The following ZNF438 variants were observed in gnomAD, a reference collection of about 807,000 sequenced individuals.
The protein encoded by ZNF438 is zinc finger protein 438.
In ZNF438, 25 loss-of-function variants were observed where a neutral mutation model predicts 38.0. That is an observed-to-expected ratio of 0.66 (90% confidence interval 0.48 to 0.92). The LOEUF (loss-of-function observed/expected upper bound fraction) is 0.92, where lower values mean the gene tolerates loss of function less well. ZNF438 is among the 40% of genes least tolerant of loss of function. The pLI is 0.00. For missense variants in ZNF438, 1,007 were observed against 999.6 expected (o/e 1.01, Z -0.10); for synonymous variants, 372 against 364.1 (o/e 1.02, Z -0.25).
intron 3 of ZNF438, among the ~76,000 whole-genome samples, chr10:30,886,562 A>C (rs953930369): frequency 1.3e-5 from 2 of 152,224 alleles, no homozygotes; most frequent in African/African-American, 4.8e-5. Flanking sequence ...ACATGCTCAG[A>C]ATACTTAAAT....
At chr10:30,953,669 C>A (rs1376485919) in intron 1 of ZNF438, among the ~76,000 whole-genome samples, 53 of 144,096 alleles carry the variant, frequency 3.7e-4, no homozygotes, top group Admixed American at 1.9e-3. Flanking sequence ...CACACACACA[C>A]AAAAAAAAAA....
At chr10:31,020,366 A>G (rs1319692577) in intron 1 of ZNF438, among the ~76,000 whole-genome samples, 2 of 152,198 alleles carry the variant, frequency 1.3e-5, no homozygotes, top group African/African-American at 4.8e-5. Flanking sequence ...GAAAAAAAGG[A>G]CGAATCAGGA....
intron 4 of ZNF438, among the ~76,000 whole-genome samples, chr10:30,867,394 T>C (rs944828431): frequency 3.3e-5 from 5 of 152,206 alleles, no homozygotes; most frequent in South Asian, 2.1e-4. Context: ...TTTTATAGTA[T>C]AGTCAATTTC....
exon 5 of ZNF438, chr10:30,850,027 G>A (rs781409550): frequency 1.2e-6 from 2 of 1,614,116 alleles, no homozygotes; most frequent in Admixed American, 1.7e-5. Flanking sequence ...TATTTCTAGG[G>A]GGTTGATATC....
At chr10:30,987,035 G>T (rs1165523977) in intron 1 of ZNF438, among the ~76,000 whole-genome samples, 1 of 152,078 alleles carries the variant, frequency 6.6e-6, no homozygotes, top group African/African-American at 2.4e-5. Context: ...TCACAGCTGT[G>T]CCCAAAACTG....
At chr10:31,025,363 C>A (rs535264603) in intron 1 of ZNF438, among the ~76,000 whole-genome samples, 1 of 152,198 alleles carries the variant, frequency 6.6e-6, no homozygotes, top group South Asian at 2.1e-4. Flanking sequence ...GAGTAATGTC[C>A]CCACACACAA....
At chr10:30,883,459 T>C (rs1477285036) in intron 3 of ZNF438, among the ~76,000 whole-genome samples, 1 of 152,158 alleles carries the variant, frequency 6.6e-6, no homozygotes, top group East Asian at 1.9e-4. Flanking sequence ...CTATTTAAAA[T>C]ACACAAAAAA....
At chr10:30,890,078 A>T (rs1300461345) in intron 3 of ZNF438, among the ~76,000 whole-genome samples, 1 of 136,788 alleles carries the variant, frequency 7.3e-6, no homozygotes, top group Non-Finnish European at 1.6e-5. Context: ...TATCTTTGGC[A>T]TTTCCAAAAA....
chr10:30,954,227 T>C (rs1272030162), intron 1 of ZNF438, among the ~76,000 whole-genome samples: 4 of 152,224 alleles, frequency 2.6e-5, no homozygotes, highest in Non-Finnish European at 4.4e-5. Flanking sequence ...TGGTCTCCTT[T>C]AGCTATCTAT....
In ZNF438 at chr10:31,010,892, G is replaced by GAAAAAAAAA. The variant is rs563189482; in HGVS notation, c.-192+20932_-192+20940dup. On this transcript the variant is annotated intron_variant, in intron 1 of 5. Transcript: ENST00000413025. ...TGGATAACGAAGTGAGACCCTGTTT[G>GAAAAAAAAA]AAAAAAAAAAAAAAAAAAAAAAAAA... 4.4e-3 allele frequency among the ~76,000 whole-genome samples: 407 copies of GAAAAAAAAA among 92,562 alleles called. 43 individuals carry two copies. The highest frequency in any genetic ancestry group is 0.018 in the African/African-American group (340 of 18,688). 60.7% of individuals were successfully genotyped at this position (92,562 alleles called of 152,430 possible). A position where few individuals can be genotyped will look rare whatever the true frequency, so the allele number is the denominator to read the frequency against.
chr10:30,993,623 C>T (rs1237230337), intron 1 of ZNF438, among the ~76,000 whole-genome samples: 2 of 152,202 alleles, frequency 1.3e-5, no homozygotes, highest in African/African-American at 4.8e-5. Flanking sequence ...TGCTGAGAGC[C>T]CCTCGTAGGG....
intron 2 of ZNF438, among the ~76,000 whole-genome samples, chr10:30,916,855 C>T (rs1218950902): frequency 6.6e-6 from 1 of 151,980 alleles, no homozygotes; most frequent in Non-Finnish European, 1.5e-5. Flanking sequence ...TTAGTTAATG[C>T]AAATGTATTA....
intron 2 of ZNF438, among the ~76,000 whole-genome samples, chr10:30,933,378 G>C (rs1333908164): frequency 6.6e-6 from 1 of 152,202 alleles, no homozygotes; most frequent in Non-Finnish European, 1.5e-5. Context: ...TGGAAATATG[G>C]ATTTGTGCAT....
intron 4 of ZNF438, among the ~76,000 whole-genome samples, chr10:30,869,445 T>C (rs2037029596): frequency 6.6e-6 from 1 of 152,030 alleles, no homozygotes; most frequent in African/African-American, 2.4e-5. Context: ...ACAACAAAAA[T>C]ACTCATAATC....
chr10:30,992,416 C>CTTTT (rs60965540), intron 1 of ZNF438, among the ~76,000 whole-genome samples: 5 of 141,692 alleles, frequency 3.5e-5, no homozygotes, highest in African/African-American at 5.2e-5. Context: ...TCTGAATCTT[C>CTTTT]TTTTTTTTTT....
At chr10:30,934,680 T>C (rs1340545757) in intron 2 of ZNF438, among the ~76,000 whole-genome samples, 1 of 152,206 alleles carries the variant, frequency 6.6e-6, no homozygotes, top group Non-Finnish European at 1.5e-5. Flanking sequence ...GTAAGAAAAA[T>C]TGTTCTGAGA....
At chr10:30,912,226 C>T (rs1413942352) in intron 2 of ZNF438, among the ~76,000 whole-genome samples, 1 of 152,112 alleles carries the variant, frequency 6.6e-6, no homozygotes, top group Non-Finnish European at 1.5e-5. Flanking sequence ...CTCATATGTG[C>T]TTGAGCCCCA....
At chr10:30,950,866 G>C (rs1367469355) in intron 1 of ZNF438, among the ~76,000 whole-genome samples, 2 of 120,022 alleles carry the variant, frequency 1.7e-5, no homozygotes, top group Admixed American at 8.4e-5. Flanking sequence ...CCAATCAATA[G>C]AAAAAGAGGG....
In ZNF438 at chr10:30,893,803, A is replaced by G. The variant is rs560776882; in HGVS notation, c.-32+15130T>C. On this transcript the variant is annotated intron_variant, in intron 3 of 5. Coordinates refer to ENST00000413025, the Ensembl canonical transcript of ZNF438. ...AAACTATAAACAGGCTATAAAGGTC[A>G]TGACATTAATTTTGCTGTCATTATC... Among the ~76,000 whole-genome samples, 12 of 152,358 alleles carry G rather than the reference A, an allele frequency of 7.9e-5. No homozygotes were observed. The South Asian group carries it at 2.5e-3, about 32-fold the overall frequency.
Sources: allele counts gnomAD v4.1 joint callset (sites outside exome capture counted in the v4.1 genomes callset), GRCh38; gene constraint gnomAD v4.1.1; transcripts MANE v1.5; gene names NCBI Gene and HGNC (gene_info 2026-07-23, HGNC 2026-07-21).